Variants in LILRB3 observed in about 807,000 individuals in gnomAD.
The protein encoded by LILRB3 is leukocyte immunoglobulin like receptor B3.
A neutral mutation model predicts 68.2 loss-of-function variants in LILRB3; 32 were observed. The ratio of observed to expected loss-of-function variants is 0.47; its 90% CI spans 0.35 to 0.63. The LOEUF (loss-of-function observed/expected upper bound fraction) is 0.63. Among genes scored for constraint, LILRB3 ranks in the 30% least tolerant of loss-of-function variants. LILRB3 has a pLI of 0.00. For missense variants in LILRB3, 502 were observed against 791.3 expected (o/e 0.63, Z 4.39); for synonymous variants, 185 against 323.1 (o/e 0.57, Z 4.58).
intron 7 of LILRB3, chr19:54,219,662 T>C (rs2077886582): frequency 6.7e-7 from 1 of 1,482,364 alleles, no homozygotes; most frequent in Non-Finnish European, 9.0e-7. Flanking sequence ...GGAGGCCTCC[T>C]CTCCCAGGAG....
exon 13 of LILRB3, chr19:54,216,964 G>C: frequency 6.6e-7 from 1 of 1,524,212 alleles, no homozygotes; most frequent in South Asian, 1.3e-5. Context: ...AGTTCCCAGC[G>C]TCTCCTCATG....
intron 7 of LILRB3, chr19:54,219,550 C>T (rs1461077651): frequency 6.4e-7 from 1 of 1,550,418 alleles, no homozygotes; most frequent in Admixed American, 2.0e-5. Context: ...GCCTGACCGT[C>T]CTGAACCACG....
intron 7 of LILRB3, chr19:54,219,577 C>G: frequency 6.5e-7 from 1 of 1,548,224 alleles, no homozygotes. Context: ...CTCCCCTCCC[C>G]TGCCCCAGGT....
At chr19:54,216,450 T>A (rs375175710) in exon 13 of LILRB3, 8 of 184,828 alleles carry the variant, frequency 4.3e-5, no homozygotes, top group Admixed American at 6.4e-5. Flanking sequence ...GCTGGGACTA[T>A]AGGCACTCGC....
At chr19:54,218,735 G>A (rs113046608) in intron 9 of LILRB3, 28 bp downstream of exon 9, 22 of 1,614,096 alleles carry the variant, frequency 1.4e-5, no homozygotes, top group African/African-American at 1.1e-4. Flanking sequence ...TGGTGGGTGG[G>A]AGTCTGTGGT....
intron 7 of LILRB3, chr19:54,219,447 G>A (rs568689393): frequency 1.6e-5 from 25 of 1,529,522 alleles, no homozygotes; most frequent in Admixed American, 3.9e-5. Context: ...GGCCTCCAGC[G>A]AGGAAGCGGC....
At chr19:54,217,099 G>C (rs1245264767) in exon 13 of LILRB3, 1 of 1,614,160 alleles carries the variant, frequency 6.2e-7, no homozygotes. Flanking sequence ...CGGGCTAGTG[G>C]ATGGCCAGAG....
chr19:54,217,568 A>G, intron 11 of LILRB3, 94 bp from the exon 12 acceptor site: 5 of 1,450,614 alleles, frequency 3.4e-6, no homozygotes, highest in Non-Finnish European at 4.7e-6. Flanking sequence ...ATCCGATTAC[A>G]TCCCTTTCCT....
chr19:54,217,333 G>C, exon 12 of LILRB3: 1 of 1,586,404 alleles, frequency 6.3e-7, no homozygotes, highest in Non-Finnish European at 8.6e-7. Context: ...GTGTCCATCT[G>C]CCTGTCCTCT....
chr19:54,220,579 T>A lies in LILRB3; in HGVS notation c.1207A>T (p.Asn403Tyr), dbSNP rs757732370. Residue 403 changes from asparagine (N) to tyrosine (Y), a missense_variant, in exon 6 of 13, where the codon AAC (asparagine) becomes TAC (tyrosine). Around this residue, in one of 8 missense-constraint regions of LILRB3, gnomAD observed 23 missense variants for 59.2 expected, o/e 0.39. Coordinates refer to ENST00000445347, the Ensembl canonical transcript of LILRB3. Reference sequence around the variant, plus strand: ...CTGGGGAAAGACAGCAGGTGGGGGTTGGAGCTGCGTGAGCCGTAGCACCTG... The same window carrying A: ...CTGGGGAAAGACAGCAGGTGGGGGTAGGAGCTGCGTGAGCCGTAGCACCTG... 24 of 1,437,074 alleles carry A rather than the reference T, an allele frequency of 1.7e-5. 5 individuals carry two copies. The Admixed American group carries it at 4.6e-4, about 27-fold the overall frequency. 89.0% of individuals were successfully genotyped at this position (1,437,074 alleles called of 1,614,324 possible).
intron 7 of LILRB3, chr19:54,219,669 G>A: frequency 6.7e-7 from 1 of 1,482,426 alleles, no homozygotes. Flanking sequence ...TCCTCTCCCA[G>A]GAGGTCACAG....
chr19:54,219,211 G>C, exon 8 of LILRB3: 1 of 1,601,516 alleles, frequency 6.2e-7, no homozygotes, highest in African/African-American at 1.3e-5. Context: ...AGGCCACCGA[G>C]ACCCCAATCA....
exon 13 of LILRB3, chr19:54,216,981 G>T: frequency 3.2e-6 from 5 of 1,582,082 alleles, no homozygotes; most frequent in Non-Finnish European, 4.3e-6. Context: ...CATGGTCTGT[G>T]TTAGGGGTCC....
At position 54,219,672 on chromosome 19, in the gene LILRB3, G is replaced by A. The variant is rs1170055782; in HGVS notation, c.1310-427C>T. On this transcript the variant is annotated intron_variant, in intron 7 of 12. Coordinates refer to ENST00000445347, the Ensembl canonical transcript of LILRB3. Reference sequence around the variant, plus strand: ...CCCTGGGAGGCCTCCTCTCCCAGGAGGTCACAGCTGGGGGTCAGAGCTGAA... The same window carrying A: ...CCCTGGGAGGCCTCCTCTCCCAGGAAGTCACAGCTGGGGGTCAGAGCTGAA... The A allele has an allele frequency of 2.0e-6, 3 of 1,481,158 alleles. No homozygotes were observed. In the African/African-American group the frequency reaches 4.2e-5, roughly 21 times the overall value. 91.8% of individuals were successfully genotyped at this position (1,481,158 alleles called of 1,614,324 possible).
rs569416896 is a variant in LILRB3 at position 54,219,136 on chromosome 19, C to T, written c.1419G>A (p.Arg473=). 87 of 1,599,252 alleles carry T rather than the reference C, an allele frequency of 5.4e-5. No individual in the cohort carries two copies. The South Asian group carries it at 9.2e-4, about 17-fold the overall frequency. ...CCCCGCTTCCCTACTCACCAGATGT[C>T]CTGTGTTTGCTGTGACGCTGACGGA... is the stretch of plus-strand genomic sequence containing the variant. The change falls in exon 8 of 13, where the codon AGG becomes AGA. Residue 473 remains arginine (R), a synonymous_variant. Transcript: ENST00000445347.
Position 54,220,522 on chromosome 19 carries a change from C to T in LILRB3, c.1258+6G>A, listed in dbSNP as rs367877729. ...AGCTCAGAGAGGACGGGGTCAGCGC[C>T]CTCACCTGAGACCATGAGTTCCAGG... On this transcript the variant is annotated splice_donor_region_variant and intron_variant, in intron 6 of 12. Coordinates refer to ENST00000445347, the Ensembl canonical transcript of LILRB3. The T allele has an allele frequency of 1.0e-5, 14 of 1,351,238 alleles. No individual in the cohort carries two copies. The African/African-American group carries it at 2.0e-4, about 19-fold the overall frequency. 83.7% of individuals were successfully genotyped at this position (1,351,238 alleles called of 1,614,324 possible).
rs1257415683 is a variant in LILRB3, at chr19:54,222,695, C to T, written c.70+52G>A. ...TCCTCCCCCAGCTGCCCATGGGTGG[C>T]CCCCTGTCCCAGTGAGGAGTAGGGA... On this transcript the variant is annotated intron_variant, in intron 2 of 12. Coordinates refer to ENST00000445347, the Ensembl canonical transcript of LILRB3. The T allele has an allele frequency of 5.6e-6, 9 of 1,612,348 alleles. 1 individual carries two copies. In the East Asian group the frequency reaches 1.8e-4, roughly 32 times the overall value.
chr19:54,218,602 C>T (rs201896620), intron 10 of LILRB3, 43 bp downstream of exon 10: 5 of 1,613,998 alleles, frequency 3.1e-6, no homozygotes, highest in East Asian at 2.2e-5. Flanking sequence ...TTTGGGACTC[C>T]TGTCTCTCCA....
At chr19:54,218,300 C>T (rs942210775) in intron 11 of LILRB3, 61 bp downstream of exon 11, 15 of 1,603,582 alleles carry the variant, frequency 9.4e-6, no homozygotes, top group East Asian at 2.2e-5. Context: ...ACAGAGAAGT[C>T]CTGCAGGATT....
Sources: gnomAD v4.1 joint callset for allele counts on GRCh38, gnomAD v4.1.1 for gene constraint, gnomAD v4.1.1 regional missense constraint, MANE v1.5 for transcripts, NCBI Gene and HGNC (gene_info 2026-07-23, HGNC 2026-07-21) for gene names.